Variants in VSTM2B observed in about 807,000 individuals in gnomAD.
The protein encoded by VSTM2B is V-set and transmembrane domain containing 2B, also known as V-set and transmembrane domain-containing protein 2B.
VSTM2B carries 24 observed loss-of-function variants against 24.0 expected under a neutral mutation model. That is an observed-to-expected ratio of 1.00 (90% CI 0.72 to 1.40). The LOEUF (loss-of-function observed/expected upper bound fraction) is 1.40, where lower values mean the gene tolerates loss of function less well. Ranked by LOEUF, VSTM2B falls within the 40% of genes most tolerant of loss-of-function variation. The probability of loss-of-function intolerance (pLI) is 0.00; values close to 1 mark genes in which losing one functional copy is unlikely to be tolerated. For synonymous variants in VSTM2B, 226 were observed against 194.4 expected, an observed-to-expected ratio of 1.16 and a Z score of -1.35; for missense variants, 399 against 416.4, an observed-to-expected ratio of 0.96 and a Z score of 0.36.
intron 4 of VSTM2B, among the ~76,000 whole-genome samples, chr19:29,560,727 A>C (rs574683865): frequency 6.6e-6 from 1 of 152,326 alleles, no homozygotes; most frequent in African/African-American, 2.4e-5. Context: ...CTTGCAATTT[A>C]AAACCTTTTA....
chr19:29,541,291 T>C (rs995343884), intron 4 of VSTM2B, among the ~76,000 whole-genome samples: 13 of 152,120 alleles, frequency 8.5e-5, no homozygotes, highest in African/African-American at 2.9e-4. Flanking sequence ...ATTTGATAGA[T>C]GGGGAAGACC....
At chr19:29,546,663 C>A (rs1210818056) in intron 4 of VSTM2B, among the ~76,000 whole-genome samples, 1 of 151,828 alleles carries the variant, frequency 6.6e-6, no homozygotes, top group Non-Finnish European at 1.5e-5. Context: ...GCCGTCCCCG[C>A]TGGGGAGCCC....
chr19:29,535,254 C>G (rs375986296), intron 4 of VSTM2B, among the ~76,000 whole-genome samples: 1 of 152,012 alleles, frequency 6.6e-6, no homozygotes, highest in Non-Finnish European at 1.5e-5. Flanking sequence ...GAGAGAGAGA[C>G]CAAGCAGAGT....
intron 4 of VSTM2B, 150 bp downstream of exon 4, chr19:29,530,440 C>CG (rs1341642231): frequency 7.8e-6 from 5 of 642,782 alleles, no homozygotes; most frequent in South Asian, 2.6e-5. Flanking sequence ...GGAGCGCCCC[C>CG]CCCAGGGCCT....
chr19:29,562,180 A>G (rs936612117), intron 4 of VSTM2B, among the ~76,000 whole-genome samples: 9 of 152,214 alleles, frequency 5.9e-5, no homozygotes, highest in Non-Finnish European at 1.5e-5. Context: ...TTCAGGCCAG[A>G]TGATTTGTAC....
intron 2 of VSTM2B, among the ~76,000 whole-genome samples, chr19:29,527,757 C>T (rs1170958518): frequency 6.6e-6 from 1 of 152,126 alleles, no homozygotes; most frequent in African/African-American, 2.4e-5. Flanking sequence ...CGCCCTCTGC[C>T]ACTTTGAGGA....
At chr19:29,531,426 G>C (rs1346576490) in intron 4 of VSTM2B, among the ~76,000 whole-genome samples, 3 of 152,306 alleles carry the variant, frequency 2.0e-5, no homozygotes, top group African/African-American at 4.8e-5. Flanking sequence ...CTTCCTGCAG[G>C]CTCCTGGACT....
At position 29,526,438 on chromosome 19, in the gene VSTM2B, G is replaced by C. The variant is rs1308577440; in HGVS notation, c.-146G>C. 2 of 299,262 alleles carry C rather than the reference G, an allele frequency of 6.7e-6. No homozygotes were observed. Among genetic ancestry groups the C allele is most frequent in the Admixed American group, 5.5e-5 (1 of 18,240 alleles). 18.5% of individuals were successfully genotyped at this position (299,262 alleles called of 1,614,324 possible). A position where few individuals can be genotyped will look rare whatever the true frequency, so the allele number is the denominator to read the frequency against. Reference sequence around the variant, plus strand: ...CGGCGAGGGAGCGGGGCTGATTGGCGGCCGCCGGCGGCCAGGGGAGGGGGC... The same window carrying C: ...CGGCGAGGGAGCGGGGCTGATTGGCCGCCGCCGGCGGCCAGGGGAGGGGGC... On this transcript the variant is annotated 5_prime_UTR_variant, in exon 1 of 5. Transcript: ENST00000335523. The surrounding 1 kb of genome is among the most constrained non-coding windows in gnomAD (Gnocchi z 4.1).
At chr19:29,549,343 G>A (rs894504961) in intron 4 of VSTM2B, among the ~76,000 whole-genome samples, 6 of 152,132 alleles carry the variant, frequency 3.9e-5, no homozygotes, top group Admixed American at 2.6e-4. Context: ...GAGTCCCAAC[G>A]CTGCCCCCAA....
chr19:29,546,247 G>A (rs1013562382), intron 4 of VSTM2B, among the ~76,000 whole-genome samples: 2 of 152,266 alleles, frequency 1.3e-5, no homozygotes, highest in East Asian at 1.9e-4. Flanking sequence ...AGCCCCCAGC[G>A]CAAGAGCCCC....
chr19:29,541,055 C>A (rs1016143010), intron 4 of VSTM2B, among the ~76,000 whole-genome samples: 3 of 152,180 alleles, frequency 2.0e-5, no homozygotes, highest in African/African-American at 7.2e-5. Flanking sequence ...CTCACAGAAG[C>A]TTACTGTGGT....
At chr19:29,539,827 G>A (rs922272694) in intron 4 of VSTM2B, among the ~76,000 whole-genome samples, 1 of 152,190 alleles carries the variant, frequency 6.6e-6, no homozygotes, top group Non-Finnish European at 1.5e-5. Flanking sequence ...AGGCCAGGAA[G>A]CCAGGGCCCC....
intron 4 of VSTM2B, among the ~76,000 whole-genome samples, chr19:29,547,702 C>T (rs1247738701): frequency 1.3e-5 from 2 of 152,126 alleles, no homozygotes; most frequent in Non-Finnish European, 2.9e-5. Flanking sequence ...GCAAGGGGCA[C>T]CTAAACAAAC....
intron 4 of VSTM2B, among the ~76,000 whole-genome samples, chr19:29,558,860 C>T (rs1256463168): frequency 1.2e-4 from 18 of 152,094 alleles, no homozygotes; most frequent in Non-Finnish European, 1.5e-5. Context: ...TGTCCCAATA[C>T]TTGAAATAAA....
chr19:29,539,663 T>C (rs1969978916), intron 4 of VSTM2B, among the ~76,000 whole-genome samples: 1 of 152,254 alleles, frequency 6.6e-6, no homozygotes, highest in Admixed American at 6.5e-5. Context: ...ATTTTGCTTT[T>C]CATGTTCGCA....
intron 3 of VSTM2B, 21 bp downstream of exon 3, chr19:29,528,483 G>T: frequency 1.3e-6 from 2 of 1,550,620 alleles, no homozygotes; most frequent in Non-Finnish European, 1.7e-6. Flanking sequence ...AGCCCAGCGC[G>T]GGCCGCGGGA....
intron 4 of VSTM2B, among the ~76,000 whole-genome samples, chr19:29,556,099 CAA>C (rs71171739): frequency 5.1e-5 from 7 of 137,638 alleles, no homozygotes; most frequent in African/African-American, 2.6e-5. Flanking sequence ...GGCAGAGATA[CAA>C]AAAAAAAAAA....
intron 4 of VSTM2B, among the ~76,000 whole-genome samples, chr19:29,537,659 A>G (rs1331931787): frequency 6.9e-6 from 1 of 144,386 alleles, no homozygotes; most frequent in African/African-American, 2.7e-5. Context: ...ATAAGGAGCC[A>G]AAGTGGACAT....
intron 4 of VSTM2B, among the ~76,000 whole-genome samples, chr19:29,543,593 A>G (rs1970074993): frequency 6.6e-6 from 1 of 152,144 alleles, no homozygotes; most frequent in Non-Finnish European, 1.5e-5. Context: ...GCCCATTTCC[A>G]CTGTGCAGGA....
Sources: allele counts gnomAD v4.1 joint callset (sites outside exome capture counted in the v4.1 genomes callset), GRCh38; gene constraint gnomAD v4.1.1; non-coding constraint Gnocchi (gnomAD v3.1); transcripts MANE v1.5; gene names NCBI Gene and HGNC (gene_info 2026-07-23, HGNC 2026-07-21).